Variants in FMR1 observed in about 807,000 individuals in gnomAD.
FMR1 encodes the protein FMRP translational regulator 1.
In FMR1, 13 loss-of-function variants were observed where a neutral mutation model predicts 50.6. The ratio of observed to expected loss-of-function variants is 0.26; its 90% CI spans 0.17 to 0.41. FMR1 has a LOEUF of 0.41. Among genes scored for constraint, FMR1 ranks in the 10% least tolerant of loss-of-function variants. The pLI is 1.00. For missense variants in FMR1, 316 were observed against 491.3 expected (o/e 0.64, Z 3.37); for synonymous variants, 138 against 164.1 (o/e 0.84, Z 1.22).
At chrX:147,946,216 C>G (rs12012926) in intron 16 of FMR1, among the ~76,000 whole-genome samples, 2,803 of 112,091 alleles carry the variant, frequency 0.025, 96 homozygotes, top group African/African-American at 0.087. Context: ...CCTGCAATCC[C>G]CCAGAGAAGG....
chrX:147,945,499 A>G (rs1198907306), intron 15 of FMR1, 35 bp from the exon 16 acceptor site: 2 of 1,076,998 alleles, frequency 1.9e-6, no homozygotes, highest in Non-Finnish European at 2.6e-6. Context: ...TTTCAGAATC[A>G]GTAACTGTTG....
At chrX:147,940,375 A>G (rs782740291) in intron 12 of FMR1, 7 of 415,784 alleles carry the variant, frequency 1.7e-5, no homozygotes, top group East Asian at 1.2e-4. Context: ...AAAGGTTGCT[A>G]TTGATCTATT....
At chrX:147,916,005 T>C (rs2042836900) in intron 1 of FMR1, among the ~76,000 whole-genome samples, 1 of 112,658 alleles carries the variant, frequency 8.9e-6, no homozygotes, top group African/African-American at 3.2e-5. Context: ...TACAGTGTTA[T>C]ATTACCATTT....
In FMR1 at chrX:147,948,867, T is replaced by C. The variant is rs572488461; in HGVS notation, c.*23T>C. The C allele has an allele frequency of 2.8e-5, 34 of 1,193,800 alleles. No individual in the cohort carries two copies. Among genetic ancestry groups the C allele is most frequent in the South Asian group, 2.7e-4 (15 of 56,389 alleles). On this transcript the variant is annotated 3_prime_UTR_variant, in exon 17 of 17. Coordinates refer to ENST00000370475, the MANE Select transcript of FMR1 (RefSeq NM_002024.6). ...TAAACTGCATAATTCTGAAGTTATA[T>C]TTCCTATACCATTTCCGTAATTCTT... is the stretch of plus-strand genomic sequence containing the variant.
chrX:147,915,127 T>C (rs376503974), intron 1 of FMR1, among the ~76,000 whole-genome samples: 1 of 112,055 alleles, frequency 8.9e-6, no homozygotes, highest in East Asian at 2.8e-4. Context: ...GATTGTAATT[T>C]TGTTGTTAGA....
intron 11 of FMR1, among the ~76,000 whole-genome samples, chrX:147,937,822 G>T (rs1293901701): frequency 2.7e-5 from 3 of 111,660 alleles, no homozygotes; most frequent in African/African-American, 9.8e-5. Context: ...AAAATAATGG[G>T]GTTGCATTTA....
chrX:147,928,451 G>T (rs2043467513), intron 4 of FMR1, 58 bp downstream of exon 4: 1 of 940,249 alleles, frequency 1.1e-6, no homozygotes, highest in Non-Finnish European at 1.5e-6. Flanking sequence ...TTAAACCCAG[G>T]TTGTACATTC....
intron 5 of FMR1, among the ~76,000 whole-genome samples, chrX:147,929,161 G>T (rs369483882): frequency 1.8e-5 from 2 of 111,550 alleles, no homozygotes; most frequent in African/African-American, 6.5e-5. Flanking sequence ...CGATTTCTCC[G>T]TTTTTTTCTC....
intron 4 of FMR1, 94 bp from the exon 5 acceptor site, chrX:147,928,565 C>G: frequency 1.1e-6 from 1 of 886,194 alleles, no homozygotes; most frequent in Non-Finnish European, 1.6e-6. Context: ...AATTTTTTCA[C>G]ATAGATTATT....
chrX:147,939,600 T>C (rs781925917), intron 12 of FMR1, among the ~76,000 whole-genome samples: 16 of 111,189 alleles, frequency 1.4e-4, no homozygotes, highest in African/African-American at 4.9e-4. Context: ...TGATTTTTTT[T>C]TTAAGAATTT....
At chrX:147,948,427 G>A (rs2124585901) in intron 16 of FMR1, 2 of 1,001,614 alleles carry the variant, frequency 2.0e-6, no homozygotes, top group Admixed American at 4.2e-5. Flanking sequence ...AGACATGATA[G>A]GATTGTGAGT....
At chrX:147,933,511 C>T (rs1242793347) in intron 9 of FMR1, 1 of 935,066 alleles carries the variant, frequency 1.1e-6, no homozygotes, top group Non-Finnish European at 1.3e-6. Flanking sequence ...TTCATTTTGA[C>T]TTGAGTAGTG....
chrX:147,950,638 A>G lies in FMR1; in HGVS notation c.*1794A>G, dbSNP rs1033001774. On this transcript the variant is annotated 3_prime_UTR_variant, in exon 17 of 17. Transcript: ENST00000370475. ...ATAAAGTTTGATCTTCCTCTGCTAAATTGATGTTGATGCAATCCTTACAAA... is the reference window on the plus strand; with the variant it reads ...ATAAAGTTTGATCTTCCTCTGCTAAGTTGATGTTGATGCAATCCTTACAAA... 5 of 327,187 alleles carry G rather than the reference A, an allele frequency of 1.5e-5. No homozygotes were observed. Among genetic ancestry groups the G allele is most frequent in the Admixed American group, 3.1e-5 (1 of 31,935 alleles). 27.0% of individuals were successfully genotyped at this position (327,187 alleles called of 1,213,427 possible). A position where few individuals can be genotyped will look rare whatever the true frequency, so the allele number is the denominator to read the frequency against.
At chrX:147,936,655 G>A (rs1369776366) in intron 10 of FMR1, 42 bp downstream of exon 10, 2 of 847,674 alleles carry the variant, frequency 2.4e-6, no homozygotes, top group East Asian at 6.3e-5. Flanking sequence ...TATAATAAAA[G>A]TAAAAGTTTT....
chrX:147,924,509 A>G (rs959206349), intron 2 of FMR1, among the ~76,000 whole-genome samples: 18 of 43,453 alleles, frequency 4.1e-4, no homozygotes, highest in Non-Finnish European at 7.1e-4. Context: ...GTCTATATAT[A>G]TATATATTTT....
At chrX:147,918,270 A>G (rs915678227) in intron 1 of FMR1, among the ~76,000 whole-genome samples, 1 of 111,948 alleles carries the variant, frequency 8.9e-6, no homozygotes, top group South Asian at 3.7e-4. Context: ...GAAAGACCTT[A>G]GAATTCACAG....
At chrX:147,913,703 G>A (rs892518028) in intron 1 of FMR1, 2 of 111,744 alleles carry the variant, frequency 1.8e-5, no homozygotes, top group Non-Finnish European at 3.8e-5. Flanking sequence ...GTAACCCCGC[G>A]TTTATGTTCT....
At chrX:147,943,544 G>T (rs782048725) in intron 14 of FMR1, 1 of 415,107 alleles carries the variant, frequency 2.4e-6, no homozygotes, top group African/African-American at 2.5e-5. Context: ...GCTCTGATTG[G>T]GGGTAAATCT....
intron 12 of FMR1, among the ~76,000 whole-genome samples, chrX:147,939,352 A>G (rs2043899526): frequency 9.0e-6 from 1 of 111,121 alleles, no homozygotes; most frequent in Non-Finnish European, 1.9e-5. Context: ...AGTAGTGTCC[A>G]TAGAGAGAAG....
Sources: allele counts gnomAD v4.1 joint callset (sites outside exome capture counted in the v4.1 genomes callset), GRCh38; gene constraint gnomAD v4.1.1; transcripts MANE v1.5; gene names NCBI Gene and HGNC (gene_info 2026-07-23, HGNC 2026-07-21).